Variants in TTLL1 observed in about 807,000 individuals in gnomAD.
TTLL1 encodes the protein polyglutamylase complex subunit TTLL1.
TTLL1 carries 33 observed loss-of-function variants against 47.8 expected under a neutral mutation model. The observed-to-expected ratio is 0.69, with a 90% CI of 0.52 to 0.92. The LOEUF (loss-of-function observed/expected upper bound fraction) is 0.92. Ranked by LOEUF, TTLL1 falls within the 40% of genes least tolerant of loss-of-function variation. The pLI is 0.00. For synonymous variants in TTLL1, 225 were observed against 214.1 expected (o/e 1.05, Z -0.45); for missense variants, 488 against 547.5 (o/e 0.89, Z 1.08).
intron 10 of TTLL1, among the ~76,000 whole-genome samples, chr22:43,041,808 G>A (rs867674938): frequency 2.0e-5 from 3 of 152,110 alleles, no homozygotes; most frequent in East Asian, 1.9e-4. Flanking sequence ...GAGCCACTGC[G>A]CCTGGCCGCA....
chr22:43,077,709 T>TCTC (rs1928600040), intron 2 of TTLL1, among the ~76,000 whole-genome samples: 1 of 151,974 alleles, frequency 6.6e-6, no homozygotes, highest in Non-Finnish European at 1.5e-5. Context: ...GATTCAAGGC[T>TCTC]CCCACCCCGG....
intron 2 of TTLL1, among the ~76,000 whole-genome samples, chr22:43,079,231 C>G (rs561416753): frequency 9.0e-6 from 1 of 111,586 alleles, no homozygotes; most frequent in African/African-American, 2.8e-5. Flanking sequence ...CCATCCCACA[C>G]CCCTCACACC....
At chr22:43,074,256 C>T (rs748956392) in intron 3 of TTLL1, among the ~76,000 whole-genome samples, 32 of 150,784 alleles carry the variant, frequency 2.1e-4, no homozygotes, top group African/African-American at 7.3e-4. Flanking sequence ...GAGAAACCCC[C>T]GTCTCTACTA....
At position 43,075,510 on chromosome 22, in the gene TTLL1, A is replaced by C. The variant is rs559982825; in HGVS notation, c.77T>G (p.Val26Gly). 5.6e-6 allele frequency: 9 copies of C among 1,614,086 alleles called. No homozygotes were observed. The highest frequency in any genetic ancestry group is 1.7e-5 in the Admixed American group (1 of 60,004). ...CCAGTCCTCGTTTTCTGTCACTTGG[A>C]CCCATCCTCTCTTTTCAAAGTTATT... is the stretch of plus-strand genomic sequence containing the variant. ...LINNFEKRGW[V>G]QVTENEDWNF... The change falls in exon 3 of 11, where the codon GTC (valine) becomes GGC (glycine). Residue 26 changes from valine (V) to glycine (G), a missense_variant. Coordinates refer to ENST00000266254, the MANE Select transcript of TTLL1 (RefSeq NM_012263.5).
chr22:43,075,051 G>C (rs147650726), intron 3 of TTLL1, among the ~76,000 whole-genome samples: 79 of 152,256 alleles, frequency 5.2e-4, no homozygotes, highest in African/African-American at 1.8e-3. Context: ...TGTAATCCCA[G>C]GTACTTGGGA....
intron 7 of TTLL1, among the ~76,000 whole-genome samples, chr22:43,060,014 G>T (rs1927296085): frequency 6.6e-6 from 1 of 151,746 alleles, no homozygotes; most frequent in African/African-American, 2.4e-5. Flanking sequence ...TTAATGTGGG[G>T]TTTTTCTGTT....
intron 3 of TTLL1, among the ~76,000 whole-genome samples, chr22:43,073,359 A>AT (rs1178906325): frequency 9.1e-5 from 10 of 110,082 alleles, no homozygotes; most frequent in Non-Finnish European, 1.4e-4. Context: ...TTATTTATTT[A>AT]TTTATTTTAT....
chr22:43,050,899 T>C (rs1030110364), intron 9 of TTLL1, among the ~76,000 whole-genome samples: 25 of 152,200 alleles, frequency 1.6e-4, no homozygotes, highest in African/African-American at 6.0e-4. Context: ...ACACCCAGCT[T>C]TGGCGGCATA....
Position 43,063,874 on chromosome 22 carries a change from C to T in TTLL1, c.686G>A (p.Ser229Asn). The T allele has an allele frequency of 6.2e-7, 1 of 1,614,122 alleles. No individual in the cohort carries two copies. The highest frequency in any genetic ancestry group is 8.5e-7 in the Non-Finnish European group (1 of 1,180,008). ...GAACATGTTGTCCAGCTCACTGGTA[C>T]TCGGGGTGTATTTCACTGTGCAGAA... The part of the protein sequence containing the change: ...CRFCTVKYTP[S>N]TSELDNMFVH... Residue 229 changes from serine to asparagine, a missense_variant, in exon 7 of 11, where the codon AGT becomes AAT. Transcript: ENST00000266254.
chr22:43,082,532 A>G (rs1928965327), intron 1 of TTLL1, among the ~76,000 whole-genome samples: 1 of 151,980 alleles, frequency 6.6e-6, no homozygotes, highest in South Asian at 2.1e-4. Context: ...CCTGACCAAC[A>G]TGGTGAAATA....
At chr22:43,040,358 G>A (rs1164286800) in intron 10 of TTLL1, 1 of 166,024 alleles carries the variant, frequency 6.0e-6, no homozygotes, top group East Asian at 1.8e-4. Flanking sequence ...AGTGGTACAT[G>A]AGCACTGGTC....
intron 7 of TTLL1, among the ~76,000 whole-genome samples, chr22:43,063,272 T>A (rs949410256): frequency 6.6e-6 from 1 of 152,174 alleles, no homozygotes; most frequent in East Asian, 1.9e-4. Flanking sequence ...TTGAGCCTGC[T>A]GCCTTCTTTC....
At chr22:43,077,399 G>A (rs73179040) in intron 2 of TTLL1, among the ~76,000 whole-genome samples, 19,437 of 152,160 alleles carry the variant, frequency 0.13, 1,607 homozygotes, top group Non-Finnish European at 0.18. Context: ...GCTCCACAAA[G>A]CCTCCCTGAC....
intron 10 of TTLL1, among the ~76,000 whole-genome samples, chr22:43,044,291 G>A (rs962206311): frequency 1.3e-5 from 2 of 152,092 alleles, no homozygotes; most frequent in African/African-American, 4.8e-5. Flanking sequence ...CCACTACCCT[G>A]TAGAGGCCCC....
chr22:43,087,248 C>T (rs1467104482), intron 1 of TTLL1, among the ~76,000 whole-genome samples: 2 of 152,202 alleles, frequency 1.3e-5, no homozygotes, highest in Non-Finnish European at 2.9e-5. Context: ...CACATGTGAG[C>T]AGCACCTGGA....
chr22:43,047,194 A>G (rs891938774), intron 9 of TTLL1, among the ~76,000 whole-genome samples: 6 of 152,178 alleles, frequency 3.9e-5, no homozygotes, highest in Non-Finnish European at 5.9e-5. Flanking sequence ...CCTAAGTACC[A>G]AGAGCCCCAC....
At chr22:43,049,336 C>T (rs1926407670) in intron 9 of TTLL1, among the ~76,000 whole-genome samples, 2 of 151,820 alleles carry the variant, frequency 1.3e-5, no homozygotes, top group Admixed American at 6.6e-5. Context: ...CCAGCCTGAC[C>T]AACATGGAGA....
intron 10 of TTLL1, among the ~76,000 whole-genome samples, chr22:43,040,725 G>A (rs1014159459): frequency 2.6e-5 from 4 of 152,188 alleles, no homozygotes; most frequent in African/African-American, 7.2e-5. Flanking sequence ...GATGACAGGC[G>A]TGGGCCACCG....
At chr22:43,073,947 G>T (rs1480531067) in intron 3 of TTLL1, among the ~76,000 whole-genome samples, 1 of 151,094 alleles carries the variant, frequency 6.6e-6, no homozygotes, top group Non-Finnish European at 1.5e-5. Flanking sequence ...TCAATCTCCC[G>T]AGTTCCTGGG....
Sources: gnomAD v4.1 joint callset for allele counts (sites outside exome capture counted in the v4.1 genomes callset) on GRCh38, gnomAD v4.1.1 for gene constraint, MANE v1.5 for transcripts, NCBI Gene and HGNC (gene_info 2026-07-23, HGNC 2026-07-21) for gene names.